The following SLC39A5 variants were observed in gnomAD, a reference collection of about 807,000 sequenced individuals.
The protein encoded by SLC39A5 is zinc transporter ZIP5.
Under a neutral mutation model 46.9 loss-of-function variants are expected in SLC39A5, and 42 were observed. The ratio of observed to expected loss-of-function variants is 0.90; its 90% CI spans 0.70 to 1.16. The LOEUF is 1.16. Among genes scored for constraint, SLC39A5 ranks in the 50% most tolerant of loss-of-function variants. SLC39A5 has a pLI of 0.00. For synonymous variants in SLC39A5, 311 were observed against 323.1 expected (o/e 0.96, Z 0.40); for missense variants, 677 against 686.8 (o/e 0.99, Z 0.16).
chr12:56,233,486 A>T (rs1429349547), intron 5 of SLC39A5, among the ~76,000 whole-genome samples: 3 of 152,008 alleles, frequency 2.0e-5, no homozygotes, highest in African/African-American at 7.2e-5. Context: ...AATAAAAAAA[A>T]AATATCTCAC....
chr12:56,236,516 G>A, intron 9 of SLC39A5, 24 bp downstream of exon 9: 2 of 1,614,218 alleles, frequency 1.2e-6, no homozygotes, highest in Non-Finnish European at 1.7e-6. Context: ...AAAATTTGAA[G>A]AGTAGGTTCC....
chr12:56,237,231 T>TG lies in SLC39A5; in HGVS notation c.1376dup (p.Ala460CysfsTer80), dbSNP rs745473878. On this transcript the variant is annotated frameshift_variant, in exon 12 of 13. Coordinates refer to ENST00000454355, the MANE Select transcript of SLC39A5 (RefSeq NM_173596.3). LOFTEE classifies it high-confidence loss of function. ...AGCCTCGTGTCTGGAGCCCTGGGAT[T>TG]GGGGGGTGCAGTCCTGGGGGTGGGG... 8.7e-6 allele frequency: 14 copies of TG among 1,613,744 alleles called. No individual in the cohort carries two copies. The Admixed American group carries it at 1.8e-4, about 21-fold the overall frequency.
chr12:56,236,051 A>T (rs56213953), intron 8 of SLC39A5, among the ~76,000 whole-genome samples: 1 of 152,114 alleles, frequency 6.6e-6, no homozygotes, highest in African/African-American at 2.4e-5. Flanking sequence ...CAAAAACAAC[A>T]ACAACAACAA....
At chr12:56,234,611 G>T (rs116507031) in intron 5 of SLC39A5, among the ~76,000 whole-genome samples, 1 of 151,874 alleles carries the variant, frequency 6.6e-6, no homozygotes, top group African/African-American at 2.4e-5. Flanking sequence ...CACCGCACCC[G>T]GCTCATCCCC....
chr12:56,232,072 C>T (rs1870266533), intron 4 of SLC39A5, among the ~76,000 whole-genome samples: 1 of 151,960 alleles, frequency 6.6e-6, no homozygotes, highest in Admixed American at 6.6e-5. Context: ...AATCTCTAAG[C>T]CCTTAAATTT....
chr12:56,237,753 G>T lies in SLC39A5; in HGVS notation c.*22G>T. On this transcript the variant is annotated 3_prime_UTR_variant, in exon 13 of 13. Coordinates refer to ENST00000454355, the MANE Select transcript of SLC39A5 (RefSeq NM_173596.3). ...CTGATGGGGCCAGTGGAAAGGGGTC[G>T]GGTTGCCCTTCCTTCCCCCCAACCA... The T allele has an allele frequency of 6.6e-7, 1 of 1,512,114 alleles. No homozygotes were observed. The allele number at this position is 1,512,114 out of a possible 1,614,324, so 93.7% of individuals were successfully genotyped here.
At chr12:56,235,511 T>G (rs774437527) in intron 7 of SLC39A5, 49 bp from the exon 8 acceptor site, 11 of 1,584,192 alleles carry the variant, frequency 6.9e-6, no homozygotes, top group Non-Finnish European at 8.6e-6. Flanking sequence ...AAGGGGATGT[T>G]GTTGGGTATA....
Position 56,230,235 on chromosome 12 carries a change from C to G in SLC39A5, c.-170-5C>G, listed in dbSNP as rs1011250738. 6.5e-6 allele frequency: 1 copy of G among 152,760 alleles called. No homozygotes were observed. Among genetic ancestry groups the G allele is most frequent in the South Asian group, 2.1e-4 (1 of 4,832 alleles). The allele number at this position is 152,760 out of a possible 1,614,324, so 9.5% of individuals were successfully genotyped here. A position where few individuals can be genotyped will look rare whatever the true frequency, so the allele number is the denominator to read the frequency against. ...CCCAGATCCTTGTTTCCTCTCCCCC[C>G]GCAGGGCTTCCCCTTTCTTGGTCAT... On this transcript the variant is annotated splice_region_variant and splice_polypyrimidine_tract_variant and intron_variant, in intron 1 of 12. Transcript: ENST00000454355.
intron 7 of SLC39A5, 83 bp downstream of exon 7, chr12:56,235,409 A>C (rs1870644281): frequency 6.7e-7 from 1 of 1,503,526 alleles, no homozygotes; most frequent in Non-Finnish European, 8.8e-7. Flanking sequence ...CCGCCTTTCC[A>C]TCAGCTCCCA....
In SLC39A5 at chr12:56,232,819, C is replaced by T. The variant is rs747295252; in HGVS notation, c.418C>T (p.Leu140Phe). 3 of 1,613,048 alleles carry T rather than the reference C, an allele frequency of 1.9e-6. No homozygotes were observed. Among genetic ancestry groups the T allele is most frequent in the Non-Finnish European group, 2.5e-6 (3 of 1,179,640 alleles). Residue 140 changes from leucine (L) to phenylalanine (F), a missense_variant, in exon 5 of 13, where the codon CTT becomes TTT. Leu to Phe is a conservative substitution (Grantham distance 22). Coordinates refer to ENST00000454355, the MANE Select transcript of SLC39A5 (RefSeq NM_173596.3). ...RGPAPSGLDL[L>F]HRLLLLDHSL... The stretch of plus-strand genomic sequence containing the variant: ...GCCAGCCCCCTCGGGCCTGGACCTC[C>T]TTCACAGGCTTCTGTTGCTGGACCA...
chr12:56,237,748 G>C lies in SLC39A5; in HGVS notation c.*17G>C. 6.6e-7 allele frequency: 1 copy of C among 1,515,824 alleles called. No individual in the cohort carries two copies. Among genetic ancestry groups the C allele is most frequent in the Non-Finnish European group, 8.8e-7 (1 of 1,134,176 alleles). 93.9% of individuals were successfully genotyped at this position (1,515,824 alleles called of 1,614,324 possible). On this transcript the variant is annotated 3_prime_UTR_variant, in exon 13 of 13. Transcript: ENST00000454355. The stretch of plus-strand genomic sequence containing the variant: ...GAGGGCTGATGGGGCCAGTGGAAAG[G>C]GGTCGGGTTGCCCTTCCTTCCCCCC...
rs762504609 is a variant in SLC39A5, at chr12:56,235,189, C to T, written c.667C>T (p.Leu223Phe). The T allele has an allele frequency of 6.4e-6, 10 of 1,559,152 alleles. No homozygotes were observed. The highest frequency in any genetic ancestry group is 1.2e-5 in the South Asian group (1 of 81,688). ...TCAGAGTGCCCTGGCAGTCCTGTTGCTCAGCCTCCCTTCTCCCCTATCCCT... is the reference window on the plus strand; with the variant it reads ...TCAGAGTGCCCTGGCAGTCCTGTTGTTCAGCCTCCCTTCTCCCCTATCCCT... ...LLQSALAVLLLSLPSPLSLLL... is the reference protein window; with the variant it reads ...LLQSALAVLLFSLPSPLSLLL... Residue 223 changes from leucine to phenylalanine, a missense_variant, in exon 7 of 13, where the codon CTC (leucine) becomes TTC (phenylalanine). Transcript: ENST00000454355.
At chr12:56,234,042 T>G (rs1256237467) in intron 5 of SLC39A5, among the ~76,000 whole-genome samples, 2 of 152,106 alleles carry the variant, frequency 1.3e-5, no homozygotes, top group Non-Finnish European at 2.9e-5. Context: ...ACACATTGAT[T>G]ATAAGTACCC....
chr12:56,237,771 C>T lies in SLC39A5; in HGVS notation c.*40C>T. Reference sequence around the variant, plus strand: ...AGGGGTCGGGTTGCCCTTCCTTCCCCCCAACCACAGGAATGGAGGCGGGAC... The same window carrying T: ...AGGGGTCGGGTTGCCCTTCCTTCCCTCCAACCACAGGAATGGAGGCGGGAC... On this transcript the variant is annotated 3_prime_UTR_variant, in exon 13 of 13. Transcript: ENST00000454355. The T allele has an allele frequency of 6.6e-7, 1 of 1,505,110 alleles. No individual in the cohort carries two copies. Among genetic ancestry groups the T allele is most frequent in the Non-Finnish European group, 8.9e-7 (1 of 1,129,744 alleles). The allele number at this position is 1,505,110 out of a possible 1,614,324, so 93.2% of individuals were successfully genotyped here. A position where few individuals can be genotyped will look rare whatever the true frequency, so the allele number is the denominator to read the frequency against.
chr12:56,232,319 C>T (rs1870305309), intron 4 of SLC39A5, among the ~76,000 whole-genome samples: 1 of 151,864 alleles, frequency 6.6e-6, no homozygotes, highest in Non-Finnish European at 1.5e-5. Context: ...GCACACACCA[C>T]CACGCCGGGC....
chr12:56,231,969 C>T (rs1019743633), intron 4 of SLC39A5, among the ~76,000 whole-genome samples: 5 of 151,892 alleles, frequency 3.3e-5, no homozygotes, highest in African/African-American at 7.3e-5. Context: ...CTCAGCTCAG[C>T]GATCTGCCTG....
Position 56,232,709 on chromosome 12 carries a change from G to T in SLC39A5, c.308G>T (p.Ser103Ile). Residue 103 changes from serine to isoleucine, a missense_variant, in exon 5 of 13, where the codon AGT becomes ATT. Coordinates refer to ENST00000454355, the MANE Select transcript of SLC39A5 (RefSeq NM_173596.3). Reference protein sequence around the residue: ...STHRPQNPELSVDVWAGMPLG... With the variant: ...STHRPQNPELIVDVWAGMPLG... ...TCCAGGCCACAGAACCCTGAGCTGA[G>T]TGTGGATGTCTGGGCAGGGATGCCT... The T allele has an allele frequency of 6.2e-7, 1 of 1,610,754 alleles. No individual in the cohort carries two copies. The highest frequency in any genetic ancestry group is 1.1e-5 in the South Asian group (1 of 90,694).
At chr12:56,232,940 A>G (rs1870372555) in intron 5 of SLC39A5, 68 bp downstream of exon 5, 8 of 1,493,568 alleles carry the variant, frequency 5.4e-6, no homozygotes, top group Non-Finnish European at 7.2e-6. Flanking sequence ...TTAAATAATC[A>G]GTAGTTTTTT....
In SLC39A5 at chr12:56,237,188, C is replaced by T. The variant is rs140453919; in HGVS notation, c.1327C>T (p.Arg443Trp). Residue 443 changes from arginine (R) to tryptophan (W), a missense_variant, in exon 12 of 13, where the codon CGG (arginine) becomes TGG (tryptophan). Physicochemically the swap from Arg to Trp is moderately radical, Grantham distance 101. Coordinates refer to ENST00000454355, the MANE Select transcript of SLC39A5 (RefSeq NM_173596.3). ...AMLLQSGLSF[R>W]RLLLLSLVSG... ...GCTGCTCCAGTCAGGGCTGTCCTTTCGGCGGCTGCTGCTGCTGAGCCTCGT... is the reference window on the plus strand; with the variant it reads ...GCTGCTCCAGTCAGGGCTGTCCTTTTGGCGGCTGCTGCTGCTGAGCCTCGT... 49 of 1,613,778 alleles carry T rather than the reference C, an allele frequency of 3.0e-5. No homozygotes were observed. In the Admixed American group the frequency reaches 3.3e-4, roughly 11 times the overall value.
Sources: gnomAD v4.1 joint callset for allele counts (sites outside exome capture counted in the v4.1 genomes callset) on GRCh38, gnomAD v4.1.1 for gene constraint, MANE v1.5 for transcripts, NCBI Gene and HGNC (gene_info 2026-07-23, HGNC 2026-07-21) for gene names.